Variants in AEBP2 observed in about 807,000 individuals in gnomAD.
AEBP2 encodes the protein zinc finger protein AEBP2.
AEBP2 carries 10 observed loss-of-function variants against 50.8 expected under a neutral mutation model. The ratio of observed to expected loss-of-function variants is 0.20; its 90% CI spans 0.12 to 0.33. The LOEUF (loss-of-function observed/expected upper bound fraction) is 0.33. Ranked by LOEUF, AEBP2 falls within the 10% of genes least tolerant of loss-of-function variation. The pLI is 1.00. For synonymous variants in AEBP2, 296 were observed against 261.3 expected, an observed-to-expected ratio of 1.13 and a Z score of -1.28; for missense variants, 570 against 688.0, an observed-to-expected ratio of 0.83 and a Z score of 1.92.
intron 2 of AEBP2, among the ~76,000 whole-genome samples, chr12:19,469,789 A>G (rs1392737859): frequency 6.6e-6 from 1 of 152,142 alleles, no homozygotes; most frequent in East Asian, 1.9e-4. Flanking sequence ...ACCTAATACA[A>G]CACAATTTGC....
In AEBP2 at chr12:19,440,715, G is replaced by A. The variant is rs988095336; in HGVS notation, c.671+345G>A. 12 of 1,533,394 alleles carry A rather than the reference G, an allele frequency of 7.8e-6. No homozygotes were observed. The African/African-American group carries it at 1.5e-4, about 19-fold the overall frequency. The allele number at this position is 1,533,394 out of a possible 1,614,324, so 95.0% of individuals were successfully genotyped here. A position where few individuals can be genotyped will look rare whatever the true frequency, so the allele number is the denominator to read the frequency against. On this transcript the variant is annotated intron_variant, in intron 1 of 7. Coordinates refer to ENST00000266508, the MANE Select transcript of AEBP2 (RefSeq NM_153207.5). ...CAGAAGAGGGCCTTGATGTACACAC[G>A]TCGGTACTCAAGGTTAGCTTCTTCC...
intron 1 of AEBP2, chr12:19,404,260 G>T (rs1468657038): frequency 6.6e-6 from 1 of 152,254 alleles, no homozygotes; most frequent in Non-Finnish European, 1.5e-5. Flanking sequence ...GTGAGTCTGG[G>T]AGTGCGTGCA....
chr12:19,456,580 G>A, intron 1 of AEBP2: 1 of 1,538,788 alleles, frequency 6.5e-7, no homozygotes, highest in Non-Finnish European at 9.0e-7. Flanking sequence ...GCACTTATTT[G>A]GCCTGGAAGG....
chr12:19,494,437 A>G (rs927208316), intron 4 of AEBP2, among the ~76,000 whole-genome samples: 5 of 151,954 alleles, frequency 3.3e-5, no homozygotes. Flanking sequence ...CCCTGTCTCA[A>G]AAAACCAACA....
chr12:19,484,809 A>G (rs868781055), intron 3 of AEBP2, among the ~76,000 whole-genome samples: 1 of 152,066 alleles, frequency 6.6e-6, no homozygotes, highest in South Asian at 2.1e-4. Context: ...TGAAGGAGGT[A>G]GTAAATGAAT....
chr12:19,515,723 G>A (rs997733018), intron 7 of AEBP2, among the ~76,000 whole-genome samples: 53 of 152,272 alleles, frequency 3.5e-4, no homozygotes, highest in Admixed American at 3.4e-3. Flanking sequence ...GAGATTTCCT[G>A]TAATTTGAGA....
chr12:19,486,290 G>A (rs1948808290), intron 3 of AEBP2, among the ~76,000 whole-genome samples: 1 of 152,130 alleles, frequency 6.6e-6, no homozygotes. Context: ...ATTGTATCAA[G>A]CAGTCATTTA....
Position 19,521,025 on chromosome 12 carries a change from C to T in AEBP2, c.*2908C>T, listed in dbSNP as rs957426516. ...ATGAACTTTATGTTTAGTCTTGGAT[C>T]GCATTTCTGAGTCTCATTATGTATA... On this transcript the variant is annotated 3_prime_UTR_variant, in exon 8 of 8. Coordinates refer to ENST00000266508, the MANE Select transcript of AEBP2 (RefSeq NM_153207.5). The T allele has an allele frequency of 3.9e-5, 6 of 152,178 alleles. No homozygotes were observed. The East Asian group carries it at 7.7e-4, about 20-fold the overall frequency. 9.4% of individuals were successfully genotyped at this position (152,178 alleles called of 1,614,324 possible).
intron 3 of AEBP2, among the ~76,000 whole-genome samples, chr12:19,482,499 C>G (rs763677822): frequency 6.6e-6 from 1 of 152,188 alleles, no homozygotes; most frequent in Non-Finnish European, 1.5e-5. Flanking sequence ...CTGGGTTATT[C>G]TGTCATGAGT....
At chr12:19,437,952 C>T (rs983042718), upstream of AEBP2, among the ~76,000 whole-genome samples, 1 of 152,190 alleles carries the variant, frequency 6.6e-6, no homozygotes, top group Non-Finnish European at 1.5e-5. Flanking sequence ...CCTCATTTTC[C>T]TTGAGTAGAA....
At chr12:19,513,487 G>A (rs1437008947) in intron 6 of AEBP2, among the ~76,000 whole-genome samples, 2 of 152,184 alleles carry the variant, frequency 1.3e-5, no homozygotes, top group African/African-American at 2.4e-5. Context: ...GCTGGGCGCA[G>A]TGGTTTATGC....
chr12:19,491,716 A>ATT (rs542605910), intron 3 of AEBP2, among the ~76,000 whole-genome samples: 36 of 148,972 alleles, frequency 2.4e-4, no homozygotes, highest in East Asian at 1.6e-3. Flanking sequence ...AGAATGTGTG[A>ATT]TTTTTTTTTT....
At chr12:19,442,243 A>G (rs930500265) in intron 1 of AEBP2, among the ~76,000 whole-genome samples, 4 of 152,124 alleles carry the variant, frequency 2.6e-5, no homozygotes, top group African/African-American at 9.7e-5. Flanking sequence ...CCTTATCTAC[A>G]TTAAAAATAC....
chr12:19,457,787 T>A, intron 1 of AEBP2: 1 of 386,156 alleles, frequency 2.6e-6, no homozygotes, highest in Non-Finnish European at 4.3e-6. Context: ...GGGCACTTGT[T>A]AGAAATGCTT....
intron 1 of AEBP2, among the ~76,000 whole-genome samples, chr12:19,432,086 C>G (rs1452922617): frequency 6.6e-6 from 1 of 152,088 alleles, no homozygotes; most frequent in Non-Finnish European, 1.5e-5. Context: ...GCCATGGGGG[C>G]TGAAGCTGCT....
chr12:19,468,930 A>T (rs1286061453), intron 2 of AEBP2, among the ~76,000 whole-genome samples: 2 of 152,130 alleles, frequency 1.3e-5, no homozygotes, highest in African/African-American at 4.8e-5. Context: ...CCAAAAATAT[A>T]TGTATGTTTT....
chr12:19,429,000 A>C (rs956315527), intron 1 of AEBP2, among the ~76,000 whole-genome samples: 3 of 152,006 alleles, frequency 2.0e-5, no homozygotes, highest in Admixed American at 6.6e-5. Context: ...ATTATACTTT[A>C]AGTTTTAGGA....
intron 5 of AEBP2, among the ~76,000 whole-genome samples, chr12:19,502,982 T>C (rs548745341): frequency 2.6e-5 from 4 of 152,172 alleles, no homozygotes; most frequent in African/African-American, 9.7e-5. Flanking sequence ...CTGCACTGTT[T>C]TGGTTACTGT....
At chr12:19,481,286 A>G (rs1344584457) in intron 3 of AEBP2, among the ~76,000 whole-genome samples, 4 of 150,688 alleles carry the variant, frequency 2.7e-5, no homozygotes, top group Non-Finnish European at 5.9e-5. Context: ...TTTTTTTAGT[A>G]GAGGCAGGGT....
Sources: gnomAD v4.1 joint callset for allele counts (sites outside exome capture counted in the v4.1 genomes callset) on GRCh38, gnomAD v4.1.1 for gene constraint, MANE v1.5 for transcripts, NCBI Gene and HGNC (gene_info 2026-07-23, HGNC 2026-07-21) for gene names.